Variants in SGCD observed in about 807,000 individuals in gnomAD.
SGCD encodes the protein delta-sarcoglycan.
Under a neutral mutation model 36.6 loss-of-function variants are expected in SGCD, and 18 were observed. The observed-to-expected ratio is 0.49, with a 90% CI of 0.34 to 0.73. The LOEUF is 0.73. SGCD is among the 30% of genes least tolerant of loss of function. The pLI, the probability that SGCD is intolerant of heterozygous loss-of-function variation, is 0.01. For missense variants in SGCD, 387 were observed against 346.7 expected, an observed-to-expected ratio of 1.12 and a Z score of -0.92; for synonymous variants, 133 against 130.6, an observed-to-expected ratio of 1.02 and a Z score of -0.12.
chr5:156,261,387 T>C (rs542904334), intron 3 of SGCD, among the ~76,000 whole-genome samples: 2 of 152,322 alleles, frequency 1.3e-5, no homozygotes, highest in East Asian at 1.9e-4. Context: ...GATGTTGTAG[T>C]CAATGATATA....
intron 1 of SGCD, among the ~76,000 whole-genome samples, chr5:155,989,082 T>A (rs1274811413): frequency 2.0e-5 from 3 of 152,228 alleles, no homozygotes; most frequent in Admixed American, 6.5e-5. Flanking sequence ...GTCAATTTTG[T>A]TGATTAATTA....
chr5:155,786,305 G>T, the SGCD span, among the ~76,000 whole-genome samples: 4 of 152,122 alleles, frequency 2.6e-5, no homozygotes, highest in African/African-American at 9.7e-5. Context: ...TAGAATATCT[G>T]TCTCCCTGTT....
the SGCD span, among the ~76,000 whole-genome samples, chr5:155,754,593 A>G: frequency 6.6e-6 from 1 of 152,264 alleles, no homozygotes; most frequent in Non-Finnish European, 1.5e-5. Flanking sequence ...ATTACATTGT[A>G]TTGCACTGGT....
chr5:156,670,385 G>A (rs571884037), intron 7 of SGCD, among the ~76,000 whole-genome samples: 10 of 152,276 alleles, frequency 6.6e-5, no homozygotes, highest in African/African-American at 2.4e-4. Flanking sequence ...GTCAGCCACT[G>A]TCATTTATTA....
intron 3 of SGCD, among the ~76,000 whole-genome samples, chr5:156,404,609 G>A (rs182099481): frequency 1.5e-3 from 234 of 152,238 alleles, no homozygotes; most frequent in Non-Finnish European, 2.3e-3. Context: ...CAGAGCACCT[G>A]ACTGACCAGC....
At chr5:156,571,783 T>G (rs1759735326) in intron 4 of SGCD, among the ~76,000 whole-genome samples, 1 of 152,234 alleles carries the variant, frequency 6.6e-6, no homozygotes, top group South Asian at 2.1e-4. Flanking sequence ...AAATTTACCA[T>G]GTTAACTGAA....
chr5:155,768,828 A>T, the SGCD span, among the ~76,000 whole-genome samples: 1 of 152,152 alleles, frequency 6.6e-6, no homozygotes, highest in Non-Finnish European at 1.5e-5. Context: ...GCTCAGTGAA[A>T]GGGTATGTCC....
chr5:155,974,835 T>C (rs1323555814), intron 1 of SGCD, among the ~76,000 whole-genome samples: 1 of 152,054 alleles, frequency 6.6e-6, no homozygotes, highest in East Asian at 2.0e-4. Flanking sequence ...CCTCATCTCC[T>C]CTTGGCACAA....
At chr5:155,996,892 GAT>G in intron 1 of SGCD, among the ~76,000 whole-genome samples, 1 of 151,970 alleles carries the variant, frequency 6.6e-6, no homozygotes, top group Non-Finnish European at 1.5e-5. Flanking sequence ...TAGATAGATA[GAT>G]AGATAGATAG....
the SGCD span, among the ~76,000 whole-genome samples, chr5:155,810,141 G>T: frequency 7.9e-5 from 12 of 152,114 alleles, no homozygotes; most frequent in Admixed American, 1.3e-4. Flanking sequence ...AAGGTAATGG[G>T]GATATTAACT....
chr5:156,435,909 C>G (rs1411661227), intron 3 of SGCD, among the ~76,000 whole-genome samples: 3 of 152,172 alleles, frequency 2.0e-5, no homozygotes, highest in Non-Finnish European at 2.9e-5. Context: ...GTCCAAGATG[C>G]TGTTTGCCGT....
At chr5:155,887,755 A>T (rs1413759474) in intron 1 of SGCD, among the ~76,000 whole-genome samples, 1 of 152,296 alleles carries the variant, frequency 6.6e-6, no homozygotes, top group South Asian at 2.1e-4. Flanking sequence ...CATTTACCAG[A>T]CTTCTAAGCT....
chr5:156,373,629 C>T (rs1770507253), intron 3 of SGCD, among the ~76,000 whole-genome samples: 4 of 152,176 alleles, frequency 2.6e-5, no homozygotes, highest in Admixed American at 2.6e-4. Context: ...CCAGAAATCT[C>T]CATGACTCTG....
intron 7 of SGCD, among the ~76,000 whole-genome samples, chr5:156,653,625 A>C (rs1312613287): frequency 6.7e-6 from 1 of 149,662 alleles, no homozygotes; most frequent in Non-Finnish European, 1.5e-5. Context: ...AGTATCTCTG[A>C]CCAATTGAAA....
At chr5:156,136,243 C>T (rs570076002) in intron 3 of SGCD, among the ~76,000 whole-genome samples, 3 of 152,182 alleles carry the variant, frequency 2.0e-5, no homozygotes, top group South Asian at 4.2e-4. Context: ...TTCCTGAGTA[C>T]CTGGGACTAC....
chr5:156,444,218 C>A (rs1753663612), intron 3 of SGCD, among the ~76,000 whole-genome samples: 1 of 140,874 alleles, frequency 7.1e-6, no homozygotes, highest in South Asian at 2.2e-4. Context: ...TTCCTTTTAT[C>A]TCTCTCTCTC....
chr5:155,754,168 A>G, the SGCD span, among the ~76,000 whole-genome samples: 1 of 152,196 alleles, frequency 6.6e-6, no homozygotes, highest in Non-Finnish European at 1.5e-5. Context: ...CCTGGCAGGG[A>G]CCTGTGACCA....
intron 3 of SGCD, among the ~76,000 whole-genome samples, chr5:156,153,952 T>C (rs2127615865): frequency 6.6e-6 from 1 of 151,720 alleles, no homozygotes; most frequent in South Asian, 2.1e-4. Flanking sequence ...TTGGAACACT[T>C]TTTGCACACG....
At chr5:156,605,872 C>A (rs566685107) in intron 6 of SGCD, among the ~76,000 whole-genome samples, 262 of 152,296 alleles carry the variant, frequency 1.7e-3, no homozygotes, top group African/African-American at 6.1e-3. Flanking sequence ...TGTTCATATC[C>A]TTCACCCACT....
Sources: gnomAD v4.1 joint callset for allele counts (sites outside exome capture counted in the v4.1 genomes callset) on GRCh38, gnomAD v4.1.1 for gene constraint, MANE v1.5 for transcripts, NCBI Gene and HGNC (gene_info 2026-07-23, HGNC 2026-07-21) for gene names.